The following SLC15A2 variants were observed in gnomAD, a reference collection of about 807,000 sequenced individuals.
The protein encoded by SLC15A2 is solute carrier family 15 member 2, also known as kidney H(+)/peptide cotransporter.
A neutral mutation model predicts 95.5 loss-of-function variants in SLC15A2; 77 were observed. That is an observed-to-expected ratio of 0.81 (90% CI 0.67 to 0.97). SLC15A2 has a LOEUF of 0.97. Among genes scored for constraint, SLC15A2 ranks in the 50% least tolerant of loss-of-function variants. The pLI is 0.00. For missense variants in SLC15A2, 893 were observed against 874.4 expected (o/e 1.02, Z -0.27); for synonymous variants, 306 against 306.9 (o/e 1.00, Z 0.03).
chr3:121,935,458 T>C (rs2107610132), intron 19 of SLC15A2, among the ~76,000 whole-genome samples: 1 of 152,368 alleles, frequency 6.6e-6, no homozygotes, highest in Non-Finnish European at 1.5e-5. Context: ...TATTGGTCTA[T>C]TCAGAGATTC....
At position 121,924,336 on chromosome 3, in the gene SLC15A2, G is replaced by T; in HGVS notation, c.1003-15G>T. 5.0e-6 allele frequency: 8 copies of T among 1,609,626 alleles called. No homozygotes were observed. Among genetic ancestry groups the T allele is most frequent in the South Asian group, 2.2e-5 (2 of 90,848 alleles). Reference sequence around the variant, plus strand: ...CTTCAGACATCAACTAAATTAATTTGTTAAAATGTTTCAGGGGTTTTTTGT... The same window carrying T: ...CTTCAGACATCAACTAAATTAATTTTTTAAAATGTTTCAGGGGTTTTTTGT... On this transcript the variant is annotated splice_polypyrimidine_tract_variant and intron_variant, in intron 11 of 21. Coordinates refer to ENST00000489711, the MANE Select transcript of SLC15A2 (RefSeq NM_021082.4).
At chr3:121,927,278 G>T (rs544846086) in intron 13 of SLC15A2, among the ~76,000 whole-genome samples, 2 of 152,322 alleles carry the variant, frequency 1.3e-5, no homozygotes, top group South Asian at 4.1e-4. Flanking sequence ...ATTTGTCCCT[G>T]CCAAAATCTC....
At position 121,930,934 on chromosome 3, in the gene SLC15A2, A is replaced by G; in HGVS notation, c.1648A>G (p.Thr550Ala). 1 of 1,609,632 alleles carries G rather than the reference A, an allele frequency of 6.2e-7. No individual in the cohort carries two copies. Among genetic ancestry groups the G allele is most frequent in the South Asian group, 1.1e-5 (1 of 90,978 alleles). The part of the protein sequence containing the change: ...GEDYGVSAYR[T>A]VQRGEYPAVH... ...AGACTATGGTGTGTCTGCTTATAGA[A>G]CTGTGCAAAGAGGAGAGTAAGTGCA... is the stretch of plus-strand genomic sequence containing the variant. The change falls in exon 18 of 22, where the codon ACT becomes GCT. Residue 550 changes from threonine to alanine, a missense_variant. Thr to Ala is a moderately conservative substitution (Grantham distance 58). Coordinates refer to ENST00000489711, the MANE Select transcript of SLC15A2 (RefSeq NM_021082.4).
rs779565425 is a variant in SLC15A2, at chr3:121,940,822, C to T, written c.2014-9C>T. The T allele has an allele frequency of 1.2e-6, 2 of 1,608,672 alleles. No homozygotes were observed. Among genetic ancestry groups the T allele is most frequent in the Non-Finnish European group, 1.7e-6 (2 of 1,177,718 alleles). On this transcript the variant is annotated splice_polypyrimidine_tract_variant and intron_variant, in intron 21 of 21. Coordinates refer to ENST00000489711, the MANE Select transcript of SLC15A2 (RefSeq NM_021082.4). ...TCCATATTCTTCTCATATTTATTTCCCCCTGCAGTGGGCCGAATTCATTTT... is the reference window on the plus strand; with the variant it reads ...TCCATATTCTTCTCATATTTATTTCTCCCTGCAGTGGGCCGAATTCATTTT...
chr3:121,929,081 G>C lies in SLC15A2; in HGVS notation c.1441G>C (p.Val481Leu), dbSNP rs762529664. Residue 481 changes from valine (V) to leucine (L), a missense_variant, in exon 16 of 22, where the codon GTG becomes CTG. Val to Leu is a conservative substitution (Grantham distance 32, BLOSUM62 1). Coordinates refer to ENST00000489711, the MANE Select transcript of SLC15A2 (RefSeq NM_021082.4). ...TTTGTCTCTCTACACTGAGCATTCT[G>C]TGCAGGAGAAGAACTGGTACAGTCT... is the stretch of plus-strand genomic sequence containing the variant. ...HNLSLYTEHSVQEKNWYSLVI... is the reference protein window; with the variant it reads ...HNLSLYTEHSLQEKNWYSLVI... 2.5e-6 allele frequency: 4 copies of C among 1,614,128 alleles called. No homozygotes were observed. The highest frequency in any genetic ancestry group is 3.4e-6 in the Non-Finnish European group (4 of 1,179,974).
intron 15 of SLC15A2, 103 bp downstream of exon 15, chr3:121,928,658 T>C: frequency 1.5e-6 from 2 of 1,317,484 alleles, no homozygotes; most frequent in Non-Finnish European, 1.0e-6. Flanking sequence ...TGTCTTTAGA[T>C]AATCTTTGAG....
intron 12 of SLC15A2, 51 bp from the exon 13 acceptor site, chr3:121,924,894 C>T (rs1273262825): frequency 1.5e-6 from 2 of 1,318,388 alleles, no homozygotes; most frequent in Admixed American, 3.4e-5. Context: ...AGTGCTCACA[C>T]TCATGATAGG....
At chr3:121,937,325 G>T (rs1424192430) in intron 19 of SLC15A2, among the ~76,000 whole-genome samples, 2 of 91,054 alleles carry the variant, frequency 2.2e-5, no homozygotes, top group African/African-American at 8.8e-5. Flanking sequence ...TTGCTAGATT[G>T]GGGAAGTTCT....
chr3:121,894,711 T>A (rs1709386397), intron 1 of SLC15A2, 130 bp downstream of exon 1: 1 of 583,080 alleles, frequency 1.7e-6, no homozygotes, highest in Admixed American at 2.9e-5. Context: ...GATTTAGAAT[T>A]CACCTGAAAC....
chr3:121,903,390 A>G (rs1369823465), intron 3 of SLC15A2, among the ~76,000 whole-genome samples: 1 of 152,124 alleles, frequency 6.6e-6, no homozygotes, highest in Non-Finnish European at 1.5e-5. Flanking sequence ...TTTGGTTGCC[A>G]TTGCTTTTGG....
At position 121,922,215 on chromosome 3, in the gene SLC15A2, T is replaced by G. The variant is rs758166478; in HGVS notation, c.698-5T>G. ...CTAAGAACCTTGTTTGTGTATCAAC[T>G]GCAGTTGTGTTTGCAATGGGAAGCA... On this transcript the variant is annotated splice_region_variant and splice_polypyrimidine_tract_variant and intron_variant, in intron 7 of 21. Coordinates refer to ENST00000489711, the MANE Select transcript of SLC15A2 (RefSeq NM_021082.4). 6.2e-7 allele frequency: 1 copy of G among 1,612,382 alleles called. No individual in the cohort carries two copies. The highest frequency in any genetic ancestry group is 1.1e-5 in the South Asian group (1 of 90,974).
At chr3:121,897,256 T>G (rs1709435357) in intron 2 of SLC15A2, 132 bp from the exon 3 acceptor site, 2 of 983,556 alleles carry the variant, frequency 2.0e-6, no homozygotes, top group African/African-American at 3.3e-5. Context: ...TTCTCAGTCA[T>G]GTCACTGATA....
At position 121,929,050 on chromosome 3, in the gene SLC15A2, T is replaced by C; in HGVS notation, c.1410T>C (p.Tyr470=). ...AGGATTTTCACTTCCACCTGAAATA[T>C]CACAATTTGTCTCTCTACACTGAGC... ...KSQDFHFHLK[Y]HNLSLYTEHS... The change falls in exon 16 of 22, where the codon TAT becomes TAC. Residue 470 remains tyrosine, a synonymous_variant. Coordinates refer to ENST00000489711, the MANE Select transcript of SLC15A2 (RefSeq NM_021082.4). The C allele has an allele frequency of 1.2e-6, 2 of 1,614,126 alleles. No individual in the cohort carries two copies. The highest frequency in any genetic ancestry group is 1.7e-5 in the Admixed American group (1 of 60,018).
intron 3 of SLC15A2, among the ~76,000 whole-genome samples, chr3:121,906,846 CCCTTCTCGAGGAGTAT>C (rs1709657620): frequency 6.6e-6 from 1 of 152,092 alleles, no homozygotes; most frequent in African/African-American, 2.4e-5. Flanking sequence ...CTTGGGGTTG[CCCTTCTCGAGGAGTAT>C]CTTTGTGGTG....
At position 121,894,544 on chromosome 3, in the gene SLC15A2, C is replaced by T. The variant is rs1365841060; in HGVS notation, c.68C>T (p.Pro23Leu). The change falls in exon 1 of 22, where the codon CCA becomes CTA. Residue 23 changes from proline (P) to leucine (L), a missense_variant. Pro to Leu is a moderately conservative substitution (Grantham distance 98). Coordinates refer to ENST00000489711, the MANE Select transcript of SLC15A2 (RefSeq NM_021082.4). Reference sequence around the variant, plus strand: ...TCACCTGTCTCCATTGAAGAGGTACCACCTCGACCACCTAGCCCTCCAAAG... The same window carrying T: ...TCACCTGTCTCCATTGAAGAGGTACTACCTCGACCACCTAGCCCTCCAAAG... ...LFSPVSIEEV[P>L]PRPPSPPKKP... The T allele has an allele frequency of 6.2e-7, 1 of 1,613,954 alleles. No homozygotes were observed. The highest frequency in any genetic ancestry group is 8.5e-7 in the Non-Finnish European group (1 of 1,179,908).
At chr3:121,901,367 G>A (rs142109590) in intron 3 of SLC15A2, among the ~76,000 whole-genome samples, 50 of 152,220 alleles carry the variant, frequency 3.3e-4, no homozygotes, top group African/African-American at 9.2e-4. Context: ...TAGCAGATAG[G>A]CCCACAGTAA....
At chr3:121,928,707 G>A (rs1446242884) in intron 15 of SLC15A2, 152 bp downstream of exon 15, 3 of 901,138 alleles carry the variant, frequency 3.3e-6, no homozygotes, top group Admixed American at 5.5e-5. Context: ...CCATTCTATA[G>A]ATATACCATA....
At chr3:121,904,332 T>C (rs1709585767) in intron 3 of SLC15A2, among the ~76,000 whole-genome samples, 1 of 152,224 alleles carries the variant, frequency 6.6e-6, no homozygotes, top group Non-Finnish European at 1.5e-5. Context: ...CCTAATTGAA[T>C]ACCCTTTATT....
intron 3 of SLC15A2, among the ~76,000 whole-genome samples, chr3:121,908,486 C>A (rs73181855): frequency 1.3e-5 from 2 of 152,148 alleles, no homozygotes; most frequent in African/African-American, 2.4e-5. Context: ...AGCTACAGAC[C>A]GGAGTGGTTC....
Sources: gnomAD v4.1 joint callset for allele counts (sites outside exome capture counted in the v4.1 genomes callset) on GRCh38, gnomAD v4.1.1 for gene constraint, MANE v1.5 for transcripts, NCBI Gene and HGNC (gene_info 2026-07-23, HGNC 2026-07-21) for gene names.